Variants in CAMTA1 observed in about 807,000 individuals in gnomAD.
CAMTA1 encodes the protein calmodulin binding transcription activator 1.
CAMTA1 carries 27 observed loss-of-function variants against 170.9 expected under a neutral mutation model. That is an observed-to-expected ratio of 0.16 (90% CI 0.12 to 0.22). The LOEUF (loss-of-function observed/expected upper bound fraction) is 0.22. Among genes scored for constraint, CAMTA1 ranks in the 10% least tolerant of loss-of-function variants. CAMTA1 has a pLI of 1.00. For synonymous variants in CAMTA1, 833 were observed against 891.5 expected, an observed-to-expected ratio of 0.93 and a Z score of 1.17; for missense variants, 1,619 against 2,217.2, an observed-to-expected ratio of 0.73 and a Z score of 5.42.
intron 6 of CAMTA1, among the ~76,000 whole-genome samples, chr1:7,492,931 ACACG>A (rs1190913983): frequency 8.5e-6 from 1 of 117,340 alleles, no homozygotes; most frequent in African/African-American, 3.2e-5. Flanking sequence ...CTGCAAACAC[ACACG>A]CACGCACACA....
chr1:7,103,005 A>G (rs1285499963), intron 4 of CAMTA1, among the ~76,000 whole-genome samples: 2 of 152,112 alleles, frequency 1.3e-5, no homozygotes, highest in Non-Finnish European at 2.9e-5. Flanking sequence ...CAGATCATTT[A>G]TAAGAATTGC....
intron 6 of CAMTA1, among the ~76,000 whole-genome samples, chr1:7,508,339 C>T (rs1031918835): frequency 2.6e-5 from 4 of 152,170 alleles, no homozygotes; most frequent in East Asian, 1.9e-4. Flanking sequence ...TTCAGAGGCC[C>T]CTGGAAGCTG....
intron 4 of CAMTA1, among the ~76,000 whole-genome samples, chr1:7,136,497 C>G (rs963046546): frequency 6.6e-6 from 1 of 152,184 alleles, no homozygotes; most frequent in Non-Finnish European, 1.5e-5. Context: ...ATTGTTCATA[C>G]CCTATCTATC....
In CAMTA1 at chr1:7,640,406, G is replaced by A. The variant is rs749496401; in HGVS notation, c.517G>A (p.Asp173Asn). ...GTCTCTGCTCTCCCCACAGAACCCC[G>A]ACATCGTCCTGGTGCACTACCTGAA... The part of the protein sequence containing the change: ...RRCYWLLQNP[D>N]IVLVHYLNVP... The change falls in exon 7 of 23, where the codon GAC becomes AAC. Residue 173 changes from aspartate to asparagine, a missense_variant. Asp to Asn is a conservative substitution (Grantham distance 23). Transcript: ENST00000303635. 5 of 1,613,860 alleles carry A rather than the reference G, an allele frequency of 3.1e-6. No homozygotes were observed. Among genetic ancestry groups the A allele is most frequent in the East Asian group, 2.2e-5 (1 of 44,894 alleles).
At chr1:7,758,618 C>T (rs1000815023) in intron 22 of CAMTA1, among the ~76,000 whole-genome samples, 1 of 152,156 alleles carries the variant, frequency 6.6e-6, no homozygotes, top group African/African-American at 2.4e-5. Flanking sequence ...GATTTATAGT[C>T]GTGGAAATTA....
intron 3 of CAMTA1, among the ~76,000 whole-genome samples, chr1:7,068,151 A>G (rs1240837416): frequency 6.6e-6 from 1 of 152,168 alleles, no homozygotes; most frequent in Non-Finnish European, 1.5e-5. Context: ...GTAATTTTGC[A>G]GCCCAAAATA....
chr1:7,346,593 T>C (rs941789552), intron 5 of CAMTA1, among the ~76,000 whole-genome samples: 14 of 152,210 alleles, frequency 9.2e-5, no homozygotes, highest in African/African-American at 3.1e-4. Flanking sequence ...GAGTCCTGTT[T>C]TGAAAATCAA....
intron 5 of CAMTA1, among the ~76,000 whole-genome samples, chr1:7,417,051 G>A (rs1209432783): frequency 1.3e-5 from 2 of 152,240 alleles, no homozygotes; most frequent in Admixed American, 1.3e-4. Context: ...CTGGGTATCA[G>A]CAGCAGTGGC....
intron 1 of CAMTA1, among the ~76,000 whole-genome samples, chr1:6,816,048 G>T (rs190429298): frequency 3.3e-5 from 5 of 152,140 alleles, no homozygotes; most frequent in East Asian, 1.9e-4. Context: ...TGAGGCCTGG[G>T]TCCCATCCCC....
intron 4 of CAMTA1, among the ~76,000 whole-genome samples, chr1:7,170,771 A>G (rs1649438816): frequency 1.3e-5 from 2 of 152,152 alleles, no homozygotes; most frequent in African/African-American, 4.8e-5. Context: ...TTCCAAACAT[A>G]TAGGGTTTTT....
At chr1:7,488,909 A>G (rs985172672) in intron 6 of CAMTA1, among the ~76,000 whole-genome samples, 2 of 152,112 alleles carry the variant, frequency 1.3e-5, no homozygotes, top group Non-Finnish European at 2.9e-5. Context: ...ATTTATACAC[A>G]CATGCATACC....
At chr1:6,798,333 A>G (rs927946495) in intron 1 of CAMTA1, among the ~76,000 whole-genome samples, 1 of 152,134 alleles carries the variant, frequency 6.6e-6, no homozygotes, top group Non-Finnish European at 1.5e-5. Context: ...AAAACCCCCT[A>G]ATTTTCAAAG....
chr1:7,522,697 G>GT (rs1159367361), intron 6 of CAMTA1, among the ~76,000 whole-genome samples: 1 of 152,154 alleles, frequency 6.6e-6, no homozygotes, highest in Non-Finnish European at 1.5e-5. Flanking sequence ...CTGGGGTTTG[G>GT]TTTTTTGTGT....
rs569816875 is a variant in CAMTA1 at position 7,007,224 on chromosome 1, G to C, written c.235-84080G>C. On this transcript the variant is annotated intron_variant, in intron 3 of 22. Transcript: ENST00000303635. The surrounding 1 kb of genome is among the most constrained non-coding windows in gnomAD (Gnocchi z 4.5). ...CATAGGATCTCACGTGGGGAGCATC[G>C]ACCAGGAGAGGGGTCCACATTGTCA... Among the ~76,000 whole-genome samples, 1 of 152,222 alleles carries C rather than the reference G, an allele frequency of 6.6e-6. No homozygotes were observed. Among genetic ancestry groups the C allele is most frequent in the South Asian group, 2.1e-4 (1 of 4,822 alleles).
At chr1:7,164,228 T>C (rs1647890861) in intron 4 of CAMTA1, among the ~76,000 whole-genome samples, 1 of 152,188 alleles carries the variant, frequency 6.6e-6, no homozygotes, top group African/African-American at 2.4e-5. Context: ...GCATGCAATA[T>C]TGACTAAGAG....
At chr1:7,761,834 CAGAT>C (rs997638550) in intron 22 of CAMTA1, among the ~76,000 whole-genome samples, 4 of 151,694 alleles carry the variant, frequency 2.6e-5, no homozygotes, top group Non-Finnish European at 4.4e-5. Flanking sequence ...TAGTAACAGA[CAGAT>C]AGAAAACGAT....
At chr1:6,868,949 G>C (rs1667571766) in intron 3 of CAMTA1, among the ~76,000 whole-genome samples, 1 of 152,140 alleles carries the variant, frequency 6.6e-6, no homozygotes, top group African/African-American at 2.4e-5. Context: ...AGTATTTCCT[G>C]TCTAATTCAC....
At chr1:7,277,736 C>T (rs17030682) in intron 5 of CAMTA1, among the ~76,000 whole-genome samples, 28,216 of 151,232 alleles carry the variant, frequency 0.19, 3,035 homozygotes, top group African/African-American at 0.28. Flanking sequence ...TGATGTCCAT[C>T]TTTCTGAATG....
intron 22 of CAMTA1, among the ~76,000 whole-genome samples, chr1:7,759,986 T>C (rs868017039): frequency 1.1e-4 from 17 of 152,234 alleles, no homozygotes; most frequent in African/African-American, 3.6e-4. Context: ...TACGAGACAC[T>C]ATTTCTGTGA....
Sources: allele counts gnomAD v4.1 joint callset (sites outside exome capture counted in the v4.1 genomes callset), GRCh38; gene constraint gnomAD v4.1.1; non-coding constraint Gnocchi (gnomAD v3.1); transcripts MANE v1.5; gene names NCBI Gene and HGNC (gene_info 2026-07-23, HGNC 2026-07-21).